Variants in FAF1 observed in about 807,000 individuals in gnomAD.
The protein encoded by FAF1 is FAS-associated factor 1.
In FAF1, 25 loss-of-function variants were observed where a neutral mutation model predicts 92.5. The ratio of observed to expected loss-of-function variants is 0.27; its 90% CI spans 0.20 to 0.38. FAF1 has a LOEUF of 0.38. Among genes scored for constraint, FAF1 ranks in the 10% least tolerant of loss-of-function variants. The pLI, the probability that FAF1 is intolerant of heterozygous loss-of-function variation, is 1.00. For missense variants in FAF1, 636 were observed against 793.3 expected (o/e 0.80, Z 2.38); for synonymous variants, 234 against 273.2 (o/e 0.86, Z 1.42).
intron 14 of FAF1, among the ~76,000 whole-genome samples, chr1:50,538,049 T>C (rs1648574192): frequency 6.6e-6 from 1 of 151,940 alleles, no homozygotes; most frequent in Non-Finnish European, 1.5e-5. Context: ...ATTTGTAAAA[T>C]ATTGGTTCAC....
chr1:50,882,606 A>AAATG (rs1644621594), intron 1 of FAF1, among the ~76,000 whole-genome samples: 1 of 81,464 alleles, frequency 1.2e-5, no homozygotes, highest in South Asian at 3.6e-4. Flanking sequence ...TGTCTTAAAT[A>AAATG]AATAAATAAA....
intron 2 of FAF1, among the ~76,000 whole-genome samples, chr1:50,847,888 T>TAC (rs35667976): frequency 0.016 from 2,354 of 149,694 alleles, 106 homozygotes; most frequent in Admixed American, 0.11. Context: ...TGCACACATA[T>TAC]ACACACACAC....
intron 8 of FAF1, among the ~76,000 whole-genome samples, chr1:50,624,437 G>A (rs1472452130): frequency 2.0e-5 from 3 of 151,984 alleles, no homozygotes; most frequent in East Asian, 1.9e-4. Flanking sequence ...GTGAGCCACC[G>A]CGCCCGGCCA....
rs1165873753 is a variant in FAF1 at position 50,959,968 on chromosome 1, C to A, written c.-157G>T. ...CGGGTCGGCGGGCCAGCGGGCGGGG[C>A]AGCGCGGGAAGCGCTAGGCGCTCAT... On this transcript the variant is annotated 5_prime_UTR_variant, in exon 1 of 19. Coordinates refer to ENST00000396153, the MANE Select transcript of FAF1 (RefSeq NM_007051.3). The A allele has an allele frequency of 2.5e-6, 1 of 395,290 alleles. No homozygotes were observed. Among genetic ancestry groups the A allele is most frequent in the East Asian group, 3.9e-5 (1 of 25,538 alleles). The allele number at this position is 395,290 out of a possible 1,614,324, so 24.5% of individuals were successfully genotyped here. A position where few individuals can be genotyped will look rare whatever the true frequency, so the allele number is the denominator to read the frequency against.
intron 15 of FAF1, among the ~76,000 whole-genome samples, chr1:50,534,797 G>A (rs1648383495): frequency 6.6e-6 from 1 of 152,072 alleles, no homozygotes; most frequent in South Asian, 2.1e-4. Flanking sequence ...TATTGTCATC[G>A]ATAATGTTTT....
chr1:50,912,195 T>C (rs1322210417), intron 1 of FAF1, among the ~76,000 whole-genome samples: 1 of 152,210 alleles, frequency 6.6e-6, no homozygotes, highest in Non-Finnish European at 1.5e-5. Context: ...GACAAGTCAC[T>C]ATTACAGAAA....
At chr1:50,843,104 G>A (rs997419636) in intron 2 of FAF1, among the ~76,000 whole-genome samples, 5 of 152,048 alleles carry the variant, frequency 3.3e-5, no homozygotes, top group Non-Finnish European at 5.9e-5. Context: ...AGATGTTATC[G>A]AATGCCAATT....
At position 50,583,315 on chromosome 1, in the gene FAF1, ATTATT is replaced by A. The variant is rs1488482284; in HGVS notation, c.1031+332_1031+336del. On this transcript the variant is annotated intron_variant, in intron 11 of 18. Coordinates refer to ENST00000396153, the MANE Select transcript of FAF1 (RefSeq NM_007051.3). This position sits in a 1 kb window ranked among gnomAD's most constrained non-coding sequence, Gnocchi z 4.2. Reference sequence around the variant, plus strand: ...TGTTTAAAGTATTTTTAAATTTAATATTATTTTAAAGGATTTTCCATTTGACTGTC... The same window carrying A: ...TGTTTAAAGTATTTTTAAATTTAATATTAAAGGATTTTCCATTTGACTGTC... Among the ~76,000 whole-genome samples, 1 of 151,938 alleles carries A rather than the reference ATTATT, an allele frequency of 6.6e-6. No individual in the cohort carries two copies. Among genetic ancestry groups the A allele is most frequent in the Admixed American group, 6.6e-5 (1 of 15,252 alleles).
intron 1 of FAF1, among the ~76,000 whole-genome samples, chr1:50,885,186 A>C (rs1644648464): frequency 6.6e-6 from 1 of 151,918 alleles, no homozygotes; most frequent in Admixed American, 6.6e-5. Flanking sequence ...AAGATTTGTC[A>C]ATATTGTTTA....
At chr1:50,686,227 G>A (rs1441622939) in intron 7 of FAF1, among the ~76,000 whole-genome samples, 1 of 152,098 alleles carries the variant, frequency 6.6e-6, no homozygotes, top group East Asian at 1.9e-4. Flanking sequence ...CAGAAACAGA[G>A]TAGAAATATG....
intron 1 of FAF1, among the ~76,000 whole-genome samples, chr1:50,864,375 A>T (rs1644462464): frequency 6.6e-6 from 1 of 151,834 alleles, no homozygotes; most frequent in Non-Finnish European, 1.5e-5. Flanking sequence ...ACTGCTTTGA[A>T]TGTGTCCCAG....
chr1:50,874,597 A>G (rs1232967053), intron 1 of FAF1, among the ~76,000 whole-genome samples: 2 of 151,962 alleles, frequency 1.3e-5, no homozygotes, highest in Admixed American at 6.6e-5. Flanking sequence ...GGTCTCATAC[A>G]ATCCACCTGC....
At chr1:50,449,873 A>G (rs909753950) in intron 18 of FAF1, among the ~76,000 whole-genome samples, 2 of 152,074 alleles carry the variant, frequency 1.3e-5, no homozygotes, top group African/African-American at 2.4e-5. Context: ...CAGAAGCTTA[A>G]TAAGTAATTA....
chr1:50,721,011 A>C (rs900892984), intron 6 of FAF1, among the ~76,000 whole-genome samples: 2 of 152,114 alleles, frequency 1.3e-5, no homozygotes, highest in Non-Finnish European at 2.9e-5. Context: ...CTATGTGTAC[A>C]TATATAATTA....
intron 13 of FAF1, among the ~76,000 whole-genome samples, chr1:50,553,243 G>C (rs1649397335): frequency 6.6e-6 from 1 of 152,182 alleles, no homozygotes; most frequent in South Asian, 2.1e-4. Context: ...ATCAGAGCCA[G>C]ATGTTTGAAA....
At position 50,705,903 on chromosome 1, in the gene FAF1, G is replaced by GAAAAA; in HGVS notation, c.552-13_552-12insTTTTT. ...ACTCCTGCAGGGCACTGAAAGGGTTGAAAGAAAAACAAGGAACTCAGAGAT... is the reference window on the plus strand; with the variant it reads ...ACTCCTGCAGGGCACTGAAAGGGTTGAAAAAAAAGAAAAACAAGGAACTCAGAGAT... On this transcript the variant is annotated splice_polypyrimidine_tract_variant and intron_variant, in intron 6 of 18. Transcript: ENST00000396153. 1 of 1,542,984 alleles carries GAAAAA rather than the reference G, an allele frequency of 6.5e-7. No individual in the cohort carries two copies. The highest frequency in any genetic ancestry group is 1.7e-5 in the Admixed American group (1 of 57,564).
At chr1:50,914,401 A>T (rs1644906573) in intron 1 of FAF1, among the ~76,000 whole-genome samples, 1 of 152,200 alleles carries the variant, frequency 6.6e-6, no homozygotes. Context: ...TCTACCATCA[A>T]TTCTTAATTC....
At chr1:50,555,964 G>A (rs903578931) in intron 13 of FAF1, among the ~76,000 whole-genome samples, 1 of 151,688 alleles carries the variant, frequency 6.6e-6, no homozygotes, top group Admixed American at 6.6e-5. Context: ...TATATGGTAT[G>A]TGTATATATT....
At chr1:50,742,262 C>T (rs780861019) in intron 5 of FAF1, among the ~76,000 whole-genome samples, 59 of 151,866 alleles carry the variant, frequency 3.9e-4, no homozygotes, top group Non-Finnish European at 8.1e-4. Flanking sequence ...AGCAATGAGC[C>T]ATGATTGTAC....
Sources: allele counts gnomAD v4.1 joint callset (sites outside exome capture counted in the v4.1 genomes callset), GRCh38; gene constraint gnomAD v4.1.1; non-coding constraint Gnocchi (gnomAD v3.1); transcripts MANE v1.5; gene names NCBI Gene and HGNC (gene_info 2026-07-23, HGNC 2026-07-21).